Variants in ZFHX3 observed in about 807,000 individuals in gnomAD.
ZFHX3 encodes the protein zinc finger homeobox protein 3.
Under a neutral mutation model 279.1 loss-of-function variants are expected in ZFHX3, and 42 were observed. The observed-to-expected ratio is 0.15, with a 90% CI of 0.12 to 0.19. The LOEUF (loss-of-function observed/expected upper bound fraction) is 0.19. Ranked by LOEUF, ZFHX3 falls within the 10% of genes least tolerant of loss-of-function variation. ZFHX3 has a pLI of 1.00. For missense variants in ZFHX3, 4,981 were observed against 4,754.0 expected, an observed-to-expected ratio of 1.05 and a Z score of -1.40; for synonymous variants, 2,293 against 1,957.8, an observed-to-expected ratio of 1.17 and a Z score of -4.52.
chr16:73,546,151 C>T (rs996931802), intron 2 of ZFHX3, among the ~76,000 whole-genome samples: 6 of 152,252 alleles, frequency 3.9e-5, no homozygotes, highest in African/African-American at 7.2e-5. Context: ...TTGAAAATTC[C>T]GGATATTAAC....
intron 4 of ZFHX3, among the ~76,000 whole-genome samples, chr16:73,281,127 T>G (rs756003864): frequency 6.6e-6 from 1 of 151,516 alleles, no homozygotes; most frequent in Non-Finnish European, 1.5e-5. Flanking sequence ...ATCCCACTAC[T>G]GAATATATAT....
chr16:72,844,769 CT>C (rs1402356260), intron 4 of ZFHX3, among the ~76,000 whole-genome samples: 1 of 152,140 alleles, frequency 6.6e-6, no homozygotes, highest in Non-Finnish European at 1.5e-5. Flanking sequence ...TTCCTAAATT[CT>C]TAAGATCTTG....
chr16:73,510,891 G>A (rs2019416850), intron 2 of ZFHX3, among the ~76,000 whole-genome samples: 1 of 152,252 alleles, frequency 6.6e-6, no homozygotes, highest in Admixed American at 6.5e-5. Context: ...ACTCACACGT[G>A]CTGTGGCACA....
At chr16:73,154,932 G>C (rs970744220) in intron 5 of ZFHX3, among the ~76,000 whole-genome samples, 46 of 152,214 alleles carry the variant, frequency 3.0e-4, no homozygotes, top group African/African-American at 1.1e-3. Flanking sequence ...CTAGCACTTT[G>C]AGAGGCTGAG....
chr16:73,721,178 G>C (rs531350334), intron 1 of ZFHX3, among the ~76,000 whole-genome samples: 1 of 151,964 alleles, frequency 6.6e-6, no homozygotes, highest in African/African-American at 2.4e-5. Flanking sequence ...CTGGCATGCA[G>C]TGGCGGGATC....
At position 73,055,694 on chromosome 16, in the gene ZFHX3, G is replaced by GCACA. The variant is rs753027373; in HGVS notation, c.-24+2835_-24+2836insTGTG. 3.4e-3 allele frequency among the ~76,000 whole-genome samples: 476 copies of GCACA among 138,106 alleles called. 3 individuals are homozygous for GCACA. The highest frequency in any genetic ancestry group is 8.1e-3 in the African/African-American group (298 of 36,884). The allele number at this position is 138,106 out of a possible 152,430, so 90.6% of individuals were successfully genotyped here. A position where few individuals can be genotyped will look rare whatever the true frequency, so the allele number is the denominator to read the frequency against. On this transcript the variant is annotated intron_variant, in intron 1 of 8. Transcript: ENST00000397992. ...TGCAGACGTACGCGCGCGCGCGCGC[G>GCACA]CGCGCACACACACACACACACACAC...
At chr16:72,858,610 T>C (rs2037809830) in intron 4 of ZFHX3, among the ~76,000 whole-genome samples, 1 of 152,210 alleles carries the variant, frequency 6.6e-6, no homozygotes, top group Admixed American at 6.5e-5. Context: ...GAGGACACTT[T>C]TAATGCTCAT....
chr16:73,797,642 T>C (rs61258006), intron 1 of ZFHX3, among the ~76,000 whole-genome samples: 4,846 of 112,464 alleles, frequency 0.043, 126 homozygotes, highest in African/African-American at 0.11. Flanking sequence ...CTGGTAGAGA[T>C]TTGGATCTAC....
intron 4 of ZFHX3, among the ~76,000 whole-genome samples, chr16:73,265,111 A>G (rs74831182): frequency 0.052 from 4,994 of 95,844 alleles, 179 homozygotes; most frequent in African/African-American, 0.12. Flanking sequence ...GTGTGTGTGT[A>G]TATAACAGTT....
chr16:73,085,349 C>A (rs1965999809), intron 8 of ZFHX3, among the ~76,000 whole-genome samples: 1 of 152,204 alleles, frequency 6.6e-6, no homozygotes, highest in African/African-American at 2.4e-5. Context: ...GCAACCTCTG[C>A]CTCCCAGCAA....
Position 73,188,949 on chromosome 16 carries a change from C to T in ZFHX3, c.-1103-45118G>A, listed in dbSNP as rs190804906. ...CGTGGTCTTGGCTCACTACAACCTCCGCCTCCTGGGTTCAAGCGATTCTCC... is the reference window on the plus strand; with the variant it reads ...CGTGGTCTTGGCTCACTACAACCTCTGCCTCCTGGGTTCAAGCGATTCTCC... On this transcript the variant is annotated intron_variant, in intron 5 of 17. Transcript: ENST00000641206. 5.1e-4 allele frequency among the ~76,000 whole-genome samples: 77 copies of T among 151,676 alleles called. No individual in the cohort carries two copies. In the East Asian group the frequency reaches 0.013, roughly 26 times the overall value.
chr16:72,809,009 C>G (rs1048724145), intron 7 of ZFHX3, among the ~76,000 whole-genome samples: 2 of 152,162 alleles, frequency 1.3e-5, no homozygotes, highest in African/African-American at 4.8e-5. Flanking sequence ...GGGATTGGCA[C>G]CCAAGCAAAC....
At chr16:73,559,058 G>GTT (rs1164961319) in intron 2 of ZFHX3, among the ~76,000 whole-genome samples, 1 of 151,722 alleles carries the variant, frequency 6.6e-6, no homozygotes, top group African/African-American at 2.4e-5. Flanking sequence ...GTGTGTGTGT[G>GTT]TGTGTGTAGA....
At chr16:73,034,071 T>C (rs1964810237) in intron 1 of ZFHX3, among the ~76,000 whole-genome samples, 1 of 151,474 alleles carries the variant, frequency 6.6e-6, no homozygotes, top group Non-Finnish European at 1.5e-5. Flanking sequence ...AAGTCACTTC[T>C]GGGTGAACAA....
intron 3 of ZFHX3, among the ~76,000 whole-genome samples, chr16:73,357,199 A>G (rs919186567): frequency 2.0e-5 from 3 of 151,668 alleles, no homozygotes; most frequent in African/African-American, 7.3e-5. Flanking sequence ...ATAGATCTTA[A>G]TAATAATAAT....
chr16:72,931,296 G>A (rs920523421), intron 3 of ZFHX3, among the ~76,000 whole-genome samples: 8 of 152,002 alleles, frequency 5.3e-5, no homozygotes, highest in South Asian at 2.1e-4. Context: ...TGTTAAAGAC[G>A]GTTTCGCATT....
At chr16:72,813,008 TAAGAA>T (rs1273991794) in intron 5 of ZFHX3, among the ~76,000 whole-genome samples, 1 of 152,186 alleles carries the variant, frequency 6.6e-6, no homozygotes, top group African/African-American at 2.4e-5. Context: ...AACACTTTGA[TAAGAA>T]AACAGCCAGG....
chr16:73,003,944 C>CTT (rs35311786), intron 1 of ZFHX3, among the ~76,000 whole-genome samples: 1 of 139,542 alleles, frequency 7.2e-6, no homozygotes. Flanking sequence ...AGGGTATTTG[C>CTT]TTTTTTTTTT....
intron 3 of ZFHX3, among the ~76,000 whole-genome samples, chr16:72,898,506 G>C (rs779920107): frequency 6.6e-6 from 1 of 152,158 alleles, no homozygotes; most frequent in Non-Finnish European, 1.5e-5. Flanking sequence ...TTAAGTTCTA[G>C]AAGGAAAATA....
Sources: allele counts gnomAD v4.1 joint callset (sites outside exome capture counted in the v4.1 genomes callset), GRCh38; gene constraint gnomAD v4.1.1; transcripts MANE v1.5; gene names NCBI Gene and HGNC (gene_info 2026-07-23, HGNC 2026-07-21).